Variants in PREX2 observed in about 807,000 individuals in gnomAD.
The protein encoded by PREX2 is phosphatidylinositol 3,4,5-trisphosphate-dependent Rac exchanger 2 protein.
A neutral mutation model predicts 203.2 loss-of-function variants in PREX2; 107 were observed. The observed-to-expected ratio is 0.53, with a 90% CI of 0.45 to 0.62. PREX2 has a LOEUF of 0.62. Ranked by LOEUF, PREX2 falls within the 20% of genes least tolerant of loss-of-function variation. PREX2 has a pLI of 0.00. For missense variants in PREX2, 1,777 were observed against 1,955.9 expected, an observed-to-expected ratio of 0.91 and a Z score of 1.72; for synonymous variants, 672 against 663.6, an observed-to-expected ratio of 1.01 and a Z score of -0.19.
intron 26 of PREX2, 37 bp from the exon 27 acceptor site, chr8:68,118,513 T>C (rs978718942): frequency 2.2e-6 from 3 of 1,390,110 alleles, no homozygotes; most frequent in African/African-American, 2.8e-5. Context: ...CCTGGGCAGA[T>C]GCACTCTTAC....
intron 13 of PREX2, among the ~76,000 whole-genome samples, chr8:68,071,999 A>C (rs868418926): frequency 5.3e-4 from 81 of 152,302 alleles, no homozygotes; most frequent in African/African-American, 1.9e-3. Context: ...ATGTACAGTA[A>C]GTTCTCACTT....
At chr8:68,141,966 A>C (rs1271428655) in intron 33 of PREX2, among the ~76,000 whole-genome samples, 1 of 152,190 alleles carries the variant, frequency 6.6e-6, no homozygotes, top group Non-Finnish European at 1.5e-5. Flanking sequence ...CTTTTTAAAA[A>C]GCCTTTATAT....
At chr8:67,978,213 G>A (rs1169286907) in intron 1 of PREX2, among the ~76,000 whole-genome samples, 3 of 151,904 alleles carry the variant, frequency 2.0e-5, no homozygotes, top group Non-Finnish European at 2.9e-5. Context: ...CTCTCCCCCC[G>A]CACATACACC....
rs139672596 is a variant in PREX2 at position 68,192,524 on chromosome 8, C to A, written c.4603C>A (p.Arg1535=). Residue 1535 remains arginine (R), a splice_region_variant and synonymous_variant, in exon 37 of 40, where the codon CGG becomes AGG. Transcript: ENST00000288368. ...CATCATGTGCAGCAGCGGTGTGCATCGGTATGTGACCCTCCCGCCTTGCTT... is the reference window on the plus strand; with the variant it reads ...CATCATGTGCAGCAGCGGTGTGCATAGGTATGTGACCCTCCCGCCTTGCTT... The part of the protein sequence containing the change: ...HIIMCSSGVH[R]CTLSVTLEQA... 4.4e-6 allele frequency: 7 copies of A among 1,604,210 alleles called. No individual in the cohort carries two copies. Among genetic ancestry groups the A allele is most frequent in the Non-Finnish European group, 5.1e-6 (6 of 1,175,114 alleles).
chr8:68,144,834 C>A (rs766004523), intron 33 of PREX2, among the ~76,000 whole-genome samples: 29 of 152,014 alleles, frequency 1.9e-4, no homozygotes, highest in Non-Finnish European at 3.5e-4. Flanking sequence ...AGTTTTAGTT[C>A]CTTGATTCCT....
chr8:67,965,412 T>C, intron 1 of PREX2, among the ~76,000 whole-genome samples: 1 of 152,146 alleles, frequency 6.6e-6, no homozygotes, highest in Non-Finnish European at 1.5e-5. Flanking sequence ...GTTTATCCTA[T>C]ATATGATCAA....
Position 68,029,751 on chromosome 8 carries a change from G to C in PREX2, c.544-746G>C, listed in dbSNP as rs1807825169. Among the ~76,000 whole-genome samples the C allele has an allele frequency of 5.3e-5, 8 of 152,178 alleles. No individual in the cohort carries two copies. In the South Asian group the frequency reaches 1.5e-3, roughly 28 times the overall value. ...AGTGGGTGAAGATGTTTAATTTTGT[G>C]CTTTTAAACAACTAACAAGGGCTTT... On this transcript the variant is annotated intron_variant, in intron 5 of 39. Transcript: ENST00000288368.
chr8:68,214,386 T>A (rs2129615214), intron 37 of PREX2, among the ~76,000 whole-genome samples: 1 of 152,100 alleles, frequency 6.6e-6, no homozygotes, highest in East Asian at 1.9e-4. Context: ...GGCAACAGAG[T>A]GAGACCCTAT....
intron 3 of PREX2, among the ~76,000 whole-genome samples, chr8:68,021,058 T>A (rs1807553339): frequency 6.6e-6 from 1 of 152,220 alleles, no homozygotes; most frequent in South Asian, 2.1e-4. Context: ...ATTGGTACTC[T>A]TTTGGTGATA....
At chr8:68,156,846 A>G (rs1286492252) in intron 34 of PREX2, among the ~76,000 whole-genome samples, 2 of 152,178 alleles carry the variant, frequency 1.3e-5, no homozygotes, top group African/African-American at 4.8e-5. Context: ...AGGGGGAGAC[A>G]CTGTTACAAG....
chr8:68,192,235 GA>G, intron 36 of PREX2, 99 bp from the exon 37 acceptor site: 1 of 865,078 alleles, frequency 1.2e-6, no homozygotes, highest in Admixed American at 3.1e-5. Context: ...CCACCAAAAT[GA>G]AATAAAATTT....
intron 8 of PREX2, among the ~76,000 whole-genome samples, chr8:68,047,267 AT>A (rs1452301689): frequency 5.3e-5 from 8 of 151,546 alleles, no homozygotes; most frequent in Non-Finnish European, 2.9e-5. Context: ...AGTCTGCTAT[AT>A]TTTTTACTTT....
intron 35 of PREX2, among the ~76,000 whole-genome samples, chr8:68,168,290 A>C (rs951285913): frequency 2.6e-5 from 4 of 152,210 alleles, no homozygotes; most frequent in African/African-American, 9.7e-5. Flanking sequence ...GAGAAATGGG[A>C]ATGTGACATA....
intron 1 of PREX2, among the ~76,000 whole-genome samples, chr8:67,982,250 C>T (rs1585675687): frequency 6.6e-6 from 1 of 151,782 alleles, no homozygotes; most frequent in East Asian, 1.9e-4. Context: ...ATGGTGAGAC[C>T]CTGTCTCTAT....
chr8:68,058,817 C>T (rs992996556), intron 10 of PREX2, among the ~76,000 whole-genome samples: 3 of 152,130 alleles, frequency 2.0e-5, no homozygotes, highest in African/African-American at 7.2e-5. Context: ...TGGTCATGCA[C>T]GTAGTGGAAA....
At chr8:68,064,135 A>G (rs927733831) in intron 11 of PREX2, among the ~76,000 whole-genome samples, 11 of 152,100 alleles carry the variant, frequency 7.2e-5, no homozygotes, top group Non-Finnish European at 1.5e-4. Context: ...GACAATATAC[A>G]TGTTGTCTAG....
chr8:68,032,126 A>AC (rs1807903439), intron 6 of PREX2, among the ~76,000 whole-genome samples: 1 of 152,206 alleles, frequency 6.6e-6, no homozygotes, highest in African/African-American at 2.4e-5. Context: ...TATGTAGCCC[A>AC]CAACCGAGGG....
At chr8:68,006,633 T>C (rs372974033) in intron 1 of PREX2, among the ~76,000 whole-genome samples, 1 of 152,136 alleles carries the variant, frequency 6.6e-6, no homozygotes, top group African/African-American at 2.4e-5. Context: ...ATATTGGACC[T>C]AGTTCAGATT....
intron 34 of PREX2, among the ~76,000 whole-genome samples, chr8:68,151,988 C>G (rs1452921033): frequency 1.3e-5 from 2 of 151,416 alleles, no homozygotes; most frequent in Non-Finnish European, 2.9e-5. Context: ...CTTCTTAAGG[C>G]TCTTTAAAAG....
Sources: gnomAD v4.1 joint callset for allele counts (sites outside exome capture counted in the v4.1 genomes callset) on GRCh38, gnomAD v4.1.1 for gene constraint, MANE v1.5 for transcripts, NCBI Gene and HGNC (gene_info 2026-07-23, HGNC 2026-07-21) for gene names.